The following DROSHA variants were observed in gnomAD, a reference collection of about 807,000 sequenced individuals.
DROSHA encodes the protein drosha ribonuclease III.
A neutral mutation model predicts 181.9 loss-of-function variants in DROSHA; 56 were observed. The ratio of observed to expected loss-of-function variants is 0.31; its 90% CI spans 0.25 to 0.38. The LOEUF (loss-of-function observed/expected upper bound fraction) is 0.38, where lower values mean the gene tolerates loss of function less well. Among genes scored for constraint, DROSHA ranks in the 10% least tolerant of loss-of-function variants. The pLI, the probability that DROSHA is intolerant of heterozygous loss-of-function variation, is 1.00. For synonymous variants in DROSHA, 524 were observed against 591.2 expected (o/e 0.89, Z 1.65); for missense variants, 1,218 against 1,743.5 (o/e 0.70, Z 5.37).
In DROSHA at chr5:31,495,278, A is replaced by C; in HGVS notation, c.1755+8T>G. 2 of 1,613,000 alleles carry C rather than the reference A, an allele frequency of 1.2e-6. No homozygotes were observed. The highest frequency in any genetic ancestry group is 2.2e-5 in the South Asian group (2 of 90,806). On this transcript the variant is annotated splice_region_variant and intron_variant, in intron 12 of 35. Coordinates refer to ENST00000344624, the MANE Select transcript of DROSHA (RefSeq NM_001382508.1). ...AAATGATATGCATGTGATTCTTTAG[A>C]AACTTACTAAAAAGTTCGTAGGCGG...
intron 20 of DROSHA, among the ~76,000 whole-genome samples, chr5:31,453,115 A>G (rs1747225114): frequency 6.6e-6 from 1 of 152,224 alleles, no homozygotes; most frequent in Admixed American, 6.5e-5. Flanking sequence ...TGAATTGTTT[A>G]CTTTTTTAAT....
Position 31,437,244 on chromosome 5 carries a change from C to G in DROSHA, c.2937G>C (p.Leu979=). The change falls in exon 24 of 36, where the codon CTG becomes CTC. Residue 979 remains leucine, a synonymous_variant. Transcript: ENST00000344624. ...EFLGDAVVEF[L]TSVHLYYLFP... ...AAACAAAAAAGCCTAATTACCTGGT[C>G]AGAAATTCAACAACAGCATCACCCA... 6.4e-7 allele frequency: 1 copy of G among 1,573,578 alleles called. No homozygotes were observed. The highest frequency in any genetic ancestry group is 1.2e-5 in the South Asian group (1 of 85,338).
At position 31,524,029 on chromosome 5, in the gene DROSHA, T is replaced by C. The variant is rs114382327; in HGVS notation, c.854+2050A>G. Among the ~76,000 whole-genome samples the C allele has an allele frequency of 2.4e-3, 363 of 151,694 alleles. 1 individual carries two copies. The highest frequency in any genetic ancestry group is 8.4e-3 in the African/African-American group (349 of 41,398). ...AAAAAACTATCACATGCCTATGCCTTTGCCAACTAGTCCATCACAGAATAT... is the reference window on the plus strand; with the variant it reads ...AAAAAACTATCACATGCCTATGCCTCTGCCAACTAGTCCATCACAGAATAT... On this transcript the variant is annotated intron_variant, in intron 5 of 35. Transcript: ENST00000344624.
intron 13 of DROSHA, among the ~76,000 whole-genome samples, chr5:31,490,899 T>G (rs1195198402): frequency 6.6e-6 from 1 of 152,092 alleles, no homozygotes; most frequent in Non-Finnish European, 1.5e-5. Context: ...ACCGAGAACT[T>G]GAACATTTAC....
At chr5:31,447,303 T>G (rs1293186501) in intron 23 of DROSHA, among the ~76,000 whole-genome samples, 1 of 152,172 alleles carries the variant, frequency 6.6e-6, no homozygotes, top group African/African-American at 2.4e-5. Flanking sequence ...AATACTTGGG[T>G]GATAAAAAAT....
chr5:31,516,030 A>G (rs931938819), intron 6 of DROSHA, among the ~76,000 whole-genome samples: 9 of 152,104 alleles, frequency 5.9e-5, no homozygotes, highest in Admixed American at 5.9e-4. Flanking sequence ...CCGAGGCGGG[A>G]GGATCACTTA....
At chr5:31,476,697 G>A (rs914900026) in intron 16 of DROSHA, among the ~76,000 whole-genome samples, 1 of 152,168 alleles carries the variant, frequency 6.6e-6, no homozygotes, top group African/African-American at 2.4e-5. Flanking sequence ...TCTGCTCCCT[G>A]TCTGGTTTTG....
At chr5:31,511,443 G>C (rs944807778) in intron 8 of DROSHA, among the ~76,000 whole-genome samples, 1 of 152,070 alleles carries the variant, frequency 6.6e-6, no homozygotes, top group Non-Finnish European at 1.5e-5. Flanking sequence ...GCTGGCTCAC[G>C]CCTGTAATCC....
At chr5:31,404,328 T>C (rs1168501274) in intron 35 of DROSHA, among the ~76,000 whole-genome samples, 2 of 152,178 alleles carry the variant, frequency 1.3e-5, no homozygotes, top group East Asian at 1.9e-4. Context: ...ATATGTACAA[T>C]GGATGAAGTT....
chr5:31,454,332 G>T (rs1396620996), intron 20 of DROSHA, among the ~76,000 whole-genome samples: 1 of 152,146 alleles, frequency 6.6e-6, no homozygotes, highest in East Asian at 1.9e-4. Context: ...AAAGTGTTGG[G>T]AGTGAAAGCC....
intron 10 of DROSHA, among the ~76,000 whole-genome samples, chr5:31,506,607 G>A (rs1318842497): frequency 2.0e-5 from 3 of 151,520 alleles, no homozygotes; most frequent in South Asian, 2.1e-4. Context: ...GAACCTGGGA[G>A]GTGGAAGTTG....
intron 8 of DROSHA, among the ~76,000 whole-genome samples, chr5:31,513,001 C>A (rs999176275): frequency 7.2e-5 from 11 of 152,204 alleles, no homozygotes; most frequent in African/African-American, 2.2e-4. Context: ...GACTTCTGAC[C>A]TCCCAAGCTG....
chr5:31,491,796 T>C (rs1474824942), intron 13 of DROSHA, among the ~76,000 whole-genome samples: 1 of 151,900 alleles, frequency 6.6e-6, no homozygotes, highest in African/African-American at 2.4e-5. Context: ...TGCTTTTCTA[T>C]ATTTATTTAT....
At chr5:31,431,434 A>G in intron 26 of DROSHA, 142 bp downstream of exon 26, 1 of 626,300 alleles carries the variant, frequency 1.6e-6, no homozygotes, top group South Asian at 2.3e-5. Context: ...ACTATAATAT[A>G]AGGTGGTAGG....
chr5:31,510,050 T>G, intron 9 of DROSHA, among the ~76,000 whole-genome samples: 1 of 19,962 alleles, frequency 5.0e-5, no homozygotes. Context: ...TACCACAATT[T>G]GAAAAAAAAA....
At chr5:31,503,384 C>T (rs1044807903) in intron 11 of DROSHA, among the ~76,000 whole-genome samples, 2 of 152,224 alleles carry the variant, frequency 1.3e-5, no homozygotes, top group African/African-American at 4.8e-5. Context: ...TGTCACCTGC[C>T]TTTCCTGCCT....
At chr5:31,526,029 C>T (rs751611464) in intron 5 of DROSHA, 50 bp downstream of exon 5, 22 of 1,483,222 alleles carry the variant, frequency 1.5e-5, no homozygotes, top group African/African-American at 8.4e-5. Context: ...GGAGAATGAC[C>T]GTGCCTGGGC....
At chr5:31,446,967 G>A (rs1386459222) in intron 23 of DROSHA, among the ~76,000 whole-genome samples, 1 of 152,174 alleles carries the variant, frequency 6.6e-6, no homozygotes, top group Admixed American at 6.5e-5. Flanking sequence ...TTGAACCCAG[G>A]AGGCGGAGGT....
intron 16 of DROSHA, among the ~76,000 whole-genome samples, chr5:31,482,993 A>G (rs946534544): frequency 1.3e-5 from 2 of 152,090 alleles, no homozygotes; most frequent in Non-Finnish European, 1.5e-5. Context: ...AATGCCAAAT[A>G]TTACAGGTGG....
Sources: allele counts gnomAD v4.1 joint callset (sites outside exome capture counted in the v4.1 genomes callset), GRCh38; gene constraint gnomAD v4.1.1; transcripts MANE v1.5; gene names NCBI Gene and HGNC (gene_info 2026-07-23, HGNC 2026-07-21).